Variants in MPDZ observed in about 807,000 individuals in gnomAD.
MPDZ encodes the protein multiple PDZ domain crumbs cell polarity complex component, also known as multiple PDZ domain protein.
MPDZ carries 234 observed loss-of-function variants against 239.1 expected under a neutral mutation model. The ratio of observed to expected loss-of-function variants is 0.98; its 90% CI spans 0.88 to 1.09. MPDZ has a LOEUF of 1.09. MPDZ is among the 50% of genes least tolerant of loss of function. The pLI is 0.00. For missense variants in MPDZ, 3,175 were observed against 2,510.0 expected (o/e 1.26, Z -5.66); for synonymous variants, 1,048 against 881.3 (o/e 1.19, Z -3.35).
chr9:13,219,800 T>C (rs1211191051), intron 7 of MPDZ, 32 bp from the exon 8 acceptor site: 2 of 1,594,278 alleles, frequency 1.3e-6, no homozygotes, highest in Non-Finnish European at 1.7e-6. Flanking sequence ...AATTAGACTA[T>C]TATTATTTTA....
chr9:13,115,276 G>A lies in MPDZ; in HGVS notation c.5438C>T (p.Ser1813Leu), dbSNP rs1369229845. The A allele has an allele frequency of 1.2e-6, 2 of 1,612,556 alleles. No individual in the cohort carries two copies. Among genetic ancestry groups the A allele is most frequent in the Admixed American group, 3.3e-5 (2 of 59,992 alleles). ...GCTGCTTTGAGATGGCCTCCTCTCT[G>A]AATGGAATGGACCAGCTTTGATTCT... ...VGRIKAGPFH[S>L]ERRPSQSSQV... Residue 1813 changes from serine to leucine, a missense_variant, in exon 40 of 47, where the codon TCA becomes TTA. Transcript: ENST00000319217.
rs746360632 is a variant in MPDZ at position 13,125,321 on chromosome 9, G to T, written c.4702C>A (p.Gln1568Lys). ...LTIHAENPDS[Q>K]AVPSAAGAAS... Reference sequence around the variant, plus strand: ...GCACCAGCTGCTGAAGGAACAGCCTGGGAATCTGGATTCTCAGCATGGATG... The same window carrying T: ...GCACCAGCTGCTGAAGGAACAGCCTTGGAATCTGGATTCTCAGCATGGATG... The change falls in exon 35 of 47, where the codon CAG becomes AAG. Residue 1568 changes from glutamine (Q) to lysine (K), a missense_variant. Physicochemically the swap from Gln to Lys is moderately conservative, Grantham distance 53. Coordinates refer to ENST00000319217, the MANE Select transcript of MPDZ (RefSeq NM_001378778.1). 6.2e-7 allele frequency: 1 copy of T among 1,613,842 alleles called. No homozygotes were observed. Among genetic ancestry groups the T allele is most frequent in the Non-Finnish European group, 8.5e-7 (1 of 1,179,762 alleles).
intron 32 of MPDZ, among the ~76,000 whole-genome samples, chr9:13,129,640 T>C (rs1399371895): frequency 1.3e-5 from 2 of 152,268 alleles, no homozygotes; most frequent in East Asian, 3.9e-4. Context: ...ATCTGAGATA[T>C]TTTGTTTGGG....
rs918785777 is a variant in MPDZ, at chr9:13,123,346, G to T, written c.4808-48C>A. The T allele has an allele frequency of 1.1e-5, 16 of 1,511,132 alleles. No homozygotes were observed. In the African/African-American group the frequency reaches 1.7e-4, roughly 16 times the overall value. 93.6% of individuals were successfully genotyped at this position (1,511,132 alleles called of 1,614,324 possible). A position where few individuals can be genotyped will look rare whatever the true frequency, so the allele number is the denominator to read the frequency against. ...ATACAAATAAAAATTGGTTACTAAG[G>T]CATATCCATCAAACTCATCACACAG... On this transcript the variant is annotated intron_variant, in intron 35 of 46. Transcript: ENST00000319217.
Position 13,222,329 on chromosome 9 carries a change from C to G in MPDZ, c.651G>C (p.Gln217His). 2 of 1,613,064 alleles carry G rather than the reference C, an allele frequency of 1.2e-6. No individual in the cohort carries two copies. The highest frequency in any genetic ancestry group is 8.5e-7 in the Non-Finnish European group (1 of 1,179,354). Residue 217 changes from glutamine (Q) to histidine (H), a missense_variant, in exon 6 of 47, where the codon CAG (glutamine) becomes CAC (histidine). By Grantham distance (24) the Gln-to-His change is conservative. Coordinates refer to ENST00000319217, the MANE Select transcript of MPDZ (RefSeq NM_001378778.1). ...GCAATGAGCCTCTGGCAATAACTAG[C>G]TGGACAGTATCTTTGGCTTTCTGCA... ...SILQKAKDTV[Q>H]LVIARGSLPQ...
At chr9:13,231,561 AT>A (rs1359355504) in intron 3 of MPDZ, among the ~76,000 whole-genome samples, 1 of 152,096 alleles carries the variant, frequency 6.6e-6, no homozygotes, top group Non-Finnish European at 1.5e-5. Context: ...ATTTAAAAAA[AT>A]AATAATAATA....
intron 6 of MPDZ, 25 bp downstream of exon 6, chr9:13,222,208 C>T (rs748486549): frequency 6.3e-7 from 1 of 1,587,942 alleles, no homozygotes; most frequent in East Asian, 2.3e-5. Flanking sequence ...ACGTTCTGTT[C>T]CTTTTGAAAA....
At chr9:13,188,100 A>C (rs1382456614) in intron 17 of MPDZ, among the ~76,000 whole-genome samples, 1 of 152,200 alleles carries the variant, frequency 6.6e-6, no homozygotes, top group Non-Finnish European at 1.5e-5. Context: ...ACTGTGATTA[A>C]AGATTTTATT....
At chr9:13,184,415 A>T (rs111921749) in intron 18 of MPDZ, among the ~76,000 whole-genome samples, 2,768 of 149,568 alleles carry the variant, frequency 0.019, 76 homozygotes, top group African/African-American at 0.065. Context: ...ATATGTTCTA[A>T]TTTTTTTTTT....
chr9:13,217,391 G>C, intron 8 of MPDZ, 97 bp from the exon 9 acceptor site: 1 of 751,508 alleles, frequency 1.3e-6, no homozygotes, highest in Non-Finnish European at 2.1e-6. Context: ...ATAAAATAAA[G>C]CCACAGGCCT....
In MPDZ at chr9:13,175,838, C is replaced by T; in HGVS notation, c.2969G>A (p.Cys990Tyr). 1 of 1,593,058 alleles carries T rather than the reference C, an allele frequency of 6.3e-7. No homozygotes were observed. Among genetic ancestry groups the T allele is most frequent in the Non-Finnish European group, 8.6e-7 (1 of 1,169,268 alleles). ...TTGAAGCATGACACACTCAGCATTA[C>T]AGGCCAGGGAGCTCTGTTCAAGCAG... ...EYLLEQSSLA[C>Y]NAECVMLQNV... The change falls in exon 21 of 47, where the codon TGT (cysteine) becomes TAT (tyrosine). Residue 990 changes from cysteine (C) to tyrosine (Y), a missense_variant. Cys to Tyr is a radical substitution (Grantham distance 194). Transcript: ENST00000319217.
Position 13,106,982 on chromosome 9 carries a change from AAGTGAC to A in MPDZ, c.6190_6195del (p.Val2064_Thr2065del). 6.2e-7 allele frequency: 1 copy of A among 1,613,680 alleles called. No homozygotes were observed. The highest frequency in any genetic ancestry group is 8.5e-7 in the Non-Finnish European group (1 of 1,179,620). On this transcript the variant is annotated inframe_deletion, in exon 47 of 47. Coordinates refer to ENST00000319217, the MANE Select transcript of MPDZ (RefSeq NM_001378778.1). ...CAGCCAATTCAAGAGAGAACCATCA[AAGTGAC>A]AGTGCCTTTTGTCCGTTTAAGGATG...
Position 13,241,607 on chromosome 9 carries a change from G to C in MPDZ, c.183+6028C>G, listed in dbSNP as rs1486953774. Among the ~76,000 whole-genome samples, 8 of 152,286 alleles carry C rather than the reference G, an allele frequency of 5.3e-5. No individual in the cohort carries two copies. The East Asian group carries it at 1.5e-3, about 29-fold the overall frequency. ...TTAGTTTGTTATTTATATAAGAAGA[G>C]AGGGAAACACAGGCACTTCTGCTCT... On this transcript the variant is annotated intron_variant, in intron 3 of 46. Transcript: ENST00000319217.
At position 13,121,907 on chromosome 9, in the gene MPDZ, G is replaced by A; in HGVS notation, c.5063C>T (p.Ala1688Val). ...LEVNGIDLRK[A>V]THDEAINVLR... is the part of the protein sequence containing the mutation. ...GACATTGATTGCTTCATCATGTGTGGCCTTTCTCAAGTCAATTCCATTCAC... is the reference window on the plus strand; with the variant it reads ...GACATTGATTGCTTCATCATGTGTGACCTTTCTCAAGTCAATTCCATTCAC... Residue 1688 changes from alanine to valine, a missense_variant, in exon 38 of 47, where the codon GCC becomes GTC. Ala to Val is a moderately conservative substitution (Grantham distance 64, BLOSUM62 0). Coordinates refer to ENST00000319217, the MANE Select transcript of MPDZ (RefSeq NM_001378778.1). The A allele has an allele frequency of 6.2e-7, 1 of 1,613,584 alleles. No individual in the cohort carries two copies. The highest frequency in any genetic ancestry group is 8.5e-7 in the Non-Finnish European group (1 of 1,179,736).
chr9:13,231,278 T>C (rs1477827312), intron 3 of MPDZ, among the ~76,000 whole-genome samples: 2 of 151,946 alleles, frequency 1.3e-5, no homozygotes, highest in East Asian at 3.9e-4. Context: ...AAAATATCAA[T>C]AGTTTGGCCA....
rs1942465418 is a variant in MPDZ, at chr9:13,111,492, T to G, written c.5724+532A>C. 2.6e-5 allele frequency among the ~76,000 whole-genome samples: 4 copies of G among 152,224 alleles called. No homozygotes were observed. The South Asian group carries it at 8.3e-4, about 31-fold the overall frequency. ...GAGTTGCGTTAATGGAATATTCATGTAATTTTTAGAGCTGGGCAGTTGGCA... is the reference window on the plus strand; with the variant it reads ...GAGTTGCGTTAATGGAATATTCATGGAATTTTTAGAGCTGGGCAGTTGGCA... On this transcript the variant is annotated intron_variant, in intron 43 of 46. Transcript: ENST00000319217.
rs796091128 is a variant in MPDZ, at chr9:13,194,009, T to G, written c.1657-696A>C. Among the ~76,000 whole-genome samples, 8 of 152,308 alleles carry G rather than the reference T, an allele frequency of 5.3e-5. 1 individual carries two copies. Among genetic ancestry groups the G allele is most frequent in the African/African-American group, 1.9e-4 (8 of 41,576 alleles). On this transcript the variant is annotated intron_variant, in intron 13 of 46. Coordinates refer to ENST00000319217, the MANE Select transcript of MPDZ (RefSeq NM_001378778.1). ...GTTTCAGAAGCGATATCACCTGACTTTGAAATCTAATACTGGATGAAATCC... is the reference window on the plus strand; with the variant it reads ...GTTTCAGAAGCGATATCACCTGACTGTGAAATCTAATACTGGATGAAATCC...
intron 3 of MPDZ, among the ~76,000 whole-genome samples, chr9:13,238,219 G>A (rs138714199): frequency 6.6e-6 from 1 of 152,184 alleles, no homozygotes; most frequent in Non-Finnish European, 1.5e-5. Flanking sequence ...TACTACCTGG[G>A]ACTAGGCATG....
At chr9:13,180,942 C>T (rs1587577678) in intron 19 of MPDZ, among the ~76,000 whole-genome samples, 4 of 152,254 alleles carry the variant, frequency 2.6e-5, no homozygotes, top group South Asian at 2.1e-4. Context: ...ATGGCTACAG[C>T]CCTTTGGTGT....
Sources: gnomAD v4.1 joint callset for allele counts (sites outside exome capture counted in the v4.1 genomes callset) on GRCh38, gnomAD v4.1.1 for gene constraint, MANE v1.5 for transcripts, NCBI Gene and HGNC (gene_info 2026-07-23, HGNC 2026-07-21) for gene names.